Variants in GULP1 observed in about 807,000 individuals in gnomAD.
GULP1 encodes the protein GULP PTB domain containing engulfment adaptor 1, also known as PTB domain-containing engulfment adapter protein 1.
In GULP1, 19 loss-of-function variants were observed where a neutral mutation model predicts 40.9. The observed-to-expected ratio is 0.46, with a 90% CI of 0.32 to 0.68. The LOEUF (loss-of-function observed/expected upper bound fraction) is 0.68. GULP1 is among the 30% of genes least tolerant of loss of function. GULP1 has a pLI of 0.03. For missense variants in GULP1, 312 were observed against 362.2 expected, an observed-to-expected ratio of 0.86 and a Z score of 1.12; for synonymous variants, 119 against 117.6, an observed-to-expected ratio of 1.01 and a Z score of -0.08.
chr2:188,332,405 G>C (rs2041725980), intron 1 of GULP1, among the ~76,000 whole-genome samples: 1 of 152,094 alleles, frequency 6.6e-6, no homozygotes, highest in Non-Finnish European at 1.5e-5. Context: ...GGCCAGGCTG[G>C]TCTTGAACTC....
chr2:188,562,201 G>A (rs1696483517), intron 7 of GULP1, among the ~76,000 whole-genome samples: 1 of 152,168 alleles, frequency 6.6e-6, no homozygotes, highest in South Asian at 2.1e-4. Context: ...TCCCTCCTGG[G>A]AGCAGTTCTA....
chr2:188,541,332 A>G lies in GULP1; in HGVS notation c.399+14A>G, dbSNP rs995062496. 1.9e-6 allele frequency: 3 copies of G among 1,610,070 alleles called. No homozygotes were observed. In the African/African-American group the frequency reaches 4.0e-5, roughly 21 times the overall value. On this transcript the variant is annotated intron_variant, in intron 7 of 11. Transcript: ENST00000409830. ...AGCGAAAAGTGTGTAAGTATCCCAGATGTTGTAGGGTGGTTTGTTCTGTTT... is the reference window on the plus strand; with the variant it reads ...AGCGAAAAGTGTGTAAGTATCCCAGGTGTTGTAGGGTGGTTTGTTCTGTTT...
chr2:188,358,113 A>T (rs1379193513), intron 1 of GULP1, among the ~76,000 whole-genome samples: 3 of 152,160 alleles, frequency 2.0e-5, no homozygotes, highest in African/African-American at 7.2e-5. Flanking sequence ...CCCAGGAGGC[A>T]GAAGTTTCAG....
At position 188,529,218 on chromosome 2, in the gene GULP1, A is replaced by G. The variant is rs369348980; in HGVS notation, c.261+23A>G. ...AAGGTAAGGCTTTTTTTTTAATGTT[A>G]GAGGCAATCTTTAATTAATTGCAAT... On this transcript the variant is annotated intron_variant, in intron 6 of 11. Coordinates refer to ENST00000409830, the MANE Select transcript of GULP1 (RefSeq NM_016315.4). The G allele has an allele frequency of 1.5e-5, 16 of 1,084,938 alleles. No individual in the cohort carries two copies. In the African/African-American group the frequency reaches 2.4e-4, roughly 16 times the overall value. The allele number at this position is 1,084,938 out of a possible 1,614,324, so 67.2% of individuals were successfully genotyped here.
chr2:188,482,571 G>A (rs72913317), intron 3 of GULP1, among the ~76,000 whole-genome samples: 18,853 of 151,730 alleles, frequency 0.12, 1,522 homozygotes, highest in Non-Finnish European at 0.19. Context: ...TTCAAAAAAA[G>A]CCAATCTGTT....
At chr2:188,443,347 C>T (rs965690446) in intron 2 of GULP1, among the ~76,000 whole-genome samples, 1 of 152,124 alleles carries the variant, frequency 6.6e-6, no homozygotes, top group African/African-American at 2.4e-5. Context: ...GTTTATTTTA[C>T]CTCCTGATTC....
Position 188,470,419 on chromosome 2 carries a change from G to A in GULP1, c.-44-7240G>A, listed in dbSNP as rs116600605. On this transcript the variant is annotated intron_variant, in intron 2 of 11. Coordinates refer to ENST00000409830, the MANE Select transcript of GULP1 (RefSeq NM_016315.4). The stretch of plus-strand genomic sequence containing the variant: ...TTGTACAGTCTCCTTTTATGTGTCC[G>A]ATTTGATTTATTTGGATATTTTCTC... Among the ~76,000 whole-genome samples the A allele has an allele frequency of 4.7e-3, 713 of 152,104 alleles. 5 individuals are homozygous for A. Among genetic ancestry groups the A allele is most frequent in the African/African-American group, 0.016 (666 of 41,518 alleles).
At chr2:188,466,301 G>A (rs561037801) in intron 2 of GULP1, among the ~76,000 whole-genome samples, 6 of 140,178 alleles carry the variant, frequency 4.3e-5, no homozygotes, top group East Asian at 4.0e-4. Flanking sequence ...TTCCCCCCCC[G>A]GAGTCTTGCT....
chr2:188,505,186 AT>A (rs1270000785), intron 4 of GULP1, among the ~76,000 whole-genome samples: 1 of 151,786 alleles, frequency 6.6e-6, no homozygotes, highest in African/African-American at 2.4e-5. Context: ...CTTACTCTGA[AT>A]AAAAACCAAT....
intron 7 of GULP1, among the ~76,000 whole-genome samples, chr2:188,558,312 A>G (rs183014871): frequency 1.0e-3 from 157 of 152,272 alleles, no homozygotes; most frequent in African/African-American, 3.6e-3. Context: ...AATAAGTCTC[A>G]TGAGATCTGA....
At chr2:188,318,592 A>G (rs543625283) in intron 1 of GULP1, among the ~76,000 whole-genome samples, 2 of 152,266 alleles carry the variant, frequency 1.3e-5, no homozygotes, top group East Asian at 1.9e-4. Flanking sequence ...GCAGCTTTCC[A>G]TAAGACATGC....
intron 1 of GULP1, among the ~76,000 whole-genome samples, chr2:188,348,806 G>A (rs1314578868): frequency 1.3e-5 from 2 of 152,098 alleles, no homozygotes; most frequent in Non-Finnish European, 2.9e-5. Flanking sequence ...CTGTAGGGGG[G>A]CCCTGGAACC....
chr2:188,484,576 A>G (rs958619865), intron 4 of GULP1, among the ~76,000 whole-genome samples: 2 of 151,748 alleles, frequency 1.3e-5, no homozygotes, highest in African/African-American at 2.4e-5. Flanking sequence ...TTAAACGTTT[A>G]TGGATTAGTG....
chr2:188,477,861 C>G, intron 3 of GULP1, 131 bp downstream of exon 3: 1 of 649,032 alleles, frequency 1.5e-6, no homozygotes. Context: ...ATTAGAGCAA[C>G]ACAAATCTGC....
chr2:188,553,579 G>A (rs750350908), intron 7 of GULP1, among the ~76,000 whole-genome samples: 1 of 151,922 alleles, frequency 6.6e-6, no homozygotes, highest in African/African-American at 2.4e-5. Flanking sequence ...GGAGCATTTT[G>A]TGTCTATGTT....
At chr2:188,397,753 A>G (rs1444837908) in intron 2 of GULP1, among the ~76,000 whole-genome samples, 1 of 152,202 alleles carries the variant, frequency 6.6e-6, no homozygotes, top group Non-Finnish European at 1.5e-5. Flanking sequence ...TCACAGCCCA[A>G]CTGGGGCTGA....
chr2:188,321,915 T>C (rs2040040248), intron 1 of GULP1, among the ~76,000 whole-genome samples: 1 of 152,116 alleles, frequency 6.6e-6, no homozygotes, highest in African/African-American at 2.4e-5. Context: ...CTTGGGAGGC[T>C]GAGGCATGAG....
chr2:188,422,735 A>G (rs2055618970), intron 2 of GULP1, among the ~76,000 whole-genome samples: 1 of 152,126 alleles, frequency 6.6e-6, no homozygotes, highest in Non-Finnish European at 1.5e-5. Context: ...CACATTATAA[A>G]TAAATTTTTT....
chr2:188,309,746 T>C (rs908434124), intron 1 of GULP1, among the ~76,000 whole-genome samples: 3 of 152,196 alleles, frequency 2.0e-5, no homozygotes, highest in Non-Finnish European at 4.4e-5. Flanking sequence ...TGGAATAATA[T>C]TTGTAAATAC....
Sources: allele counts gnomAD v4.1 joint callset (sites outside exome capture counted in the v4.1 genomes callset), GRCh38; gene constraint gnomAD v4.1.1; transcripts MANE v1.5; gene names NCBI Gene and HGNC (gene_info 2026-07-23, HGNC 2026-07-21).